Variants in MDH1B observed in about 807,000 individuals in gnomAD.
MDH1B encodes malate dehydrogenase 1B, also known as putative malate dehydrogenase 1B.
In MDH1B, 60 loss-of-function variants were observed where a neutral mutation model predicts 61.4. The observed-to-expected ratio is 0.98, with a 90% confidence interval of 0.79 to 1.21. The LOEUF is 1.21. Ranked by LOEUF, MDH1B falls within the 50% of genes most tolerant of loss-of-function variation. MDH1B has a pLI of 0.00. For synonymous variants in MDH1B, 236 were observed against 218.7 expected (o/e 1.08, Z -0.70); for missense variants, 587 against 632.1 (o/e 0.93, Z 0.76).
chr2:206,745,926 G>C (rs866786002), intron 8 of MDH1B, among the ~76,000 whole-genome samples: 7 of 151,854 alleles, frequency 4.6e-5, no homozygotes, highest in Middle Eastern at 6.8e-3. Context: ...TAGAGACAGG[G>C]TTTCTCCATG....
At chr2:206,738,611 G>T in intron 11 of MDH1B, 100 bp from the exon 12 acceptor site, 1 of 779,048 alleles carries the variant, frequency 1.3e-6, no homozygotes, top group Non-Finnish European at 2.1e-6. Context: ...CTGTATTCAT[G>T]ATTCAATAGC....
rs987807606 is a variant in MDH1B at position 206,751,173 on chromosome 2, G to T, written c.911-98C>A. 3.2e-5 allele frequency: 27 copies of T among 837,174 alleles called. No homozygotes were observed. The African/African-American group carries it at 4.2e-4, about 13-fold the overall frequency. 51.9% of individuals were successfully genotyped at this position (837,174 alleles called of 1,614,324 possible). On this transcript the variant is annotated intron_variant, in intron 5 of 11. Coordinates refer to ENST00000374412, the MANE Select transcript of MDH1B (RefSeq NM_001039845.3). ...TTTGTTTGCGTGCATGTTTGTTTTAGGATTGGTCTTTTTGGTATAAAATGA... is the reference window on the plus strand; with the variant it reads ...TTTGTTTGCGTGCATGTTTGTTTTATGATTGGTCTTTTTGGTATAAAATGA...
chr2:206,756,521 C>A, intron 4 of MDH1B: 1 of 180,666 alleles, frequency 5.5e-6, no homozygotes, highest in Non-Finnish European at 1.2e-5. Flanking sequence ...GGGAGCAAGG[C>A]GAGGGGAGTG....
At chr2:206,758,399 T>C (rs752175117) in intron 2 of MDH1B, among the ~76,000 whole-genome samples, 27 of 152,124 alleles carry the variant, frequency 1.8e-4, no homozygotes, top group Non-Finnish European at 3.5e-4. Context: ...GACTGGCTCT[T>C]AGAAACTTGG....
chr2:206,762,555 CATTAT>C (rs140297059), intron 1 of MDH1B, among the ~76,000 whole-genome samples: 5,550 of 152,264 alleles, frequency 0.036, 116 homozygotes, highest in Non-Finnish European at 0.057. Flanking sequence ...ATACTCATTA[CATTAT>C]GTTTCTCCTG....
chr2:206,756,709 G>T (rs1235533653), intron 4 of MDH1B, 189 bp downstream of exon 4: 8 of 607,464 alleles, frequency 1.3e-5, no homozygotes, highest in Non-Finnish European at 2.3e-5. Context: ...TCATTTATGA[G>T]TTATATGGAG....
chr2:206,761,104 CAT>C, intron 1 of MDH1B, 91 bp from the exon 2 acceptor site: 1 of 666,186 alleles, frequency 1.5e-6, no homozygotes, highest in East Asian at 2.6e-5. Context: ...CAGAATTAGT[CAT>C]AGTTATGATA....
At chr2:206,751,545 A>T (rs1688445118) in intron 5 of MDH1B, among the ~76,000 whole-genome samples, 1 of 152,176 alleles carries the variant, frequency 6.6e-6, no homozygotes, top group Non-Finnish European at 1.5e-5. Flanking sequence ...GATGGGTTTC[A>T]TCTCTGGCAA....
intron 10 of MDH1B, 117 bp from the exon 11 acceptor site, chr2:206,739,778 T>C: frequency 1.2e-6 from 1 of 853,644 alleles, no homozygotes; most frequent in South Asian, 1.5e-5. Context: ...AATGCATTGC[T>C]CTCCTAGGAG....
At chr2:206,739,153 C>T (rs551790299) in intron 11 of MDH1B, among the ~76,000 whole-genome samples, 18 of 152,202 alleles carry the variant, frequency 1.2e-4, no homozygotes, top group African/African-American at 4.3e-4. Context: ...CGGTGGCTCA[C>T]GCCTGTAATT....
At chr2:206,743,979 T>C (rs1446866957) in intron 9 of MDH1B, among the ~76,000 whole-genome samples, 1 of 152,174 alleles carries the variant, frequency 6.6e-6, no homozygotes, top group African/African-American at 2.4e-5. Flanking sequence ...CCTTGCCTTA[T>C]TCCAGGATGT....
chr2:206,761,091 T>C (rs1041608879), intron 1 of MDH1B, 78 bp from the exon 2 acceptor site: 12 of 749,302 alleles, frequency 1.6e-5, no homozygotes, highest in Admixed American at 1.6e-4. Flanking sequence ...TGCTATGTAA[T>C]TACAGAATTA....
chr2:206,756,747 A>G, intron 4 of MDH1B, 151 bp downstream of exon 4: 2 of 689,444 alleles, frequency 2.9e-6, no homozygotes, highest in South Asian at 1.9e-5. Flanking sequence ...ACAGAGATGC[A>G]TATGTATATG....
At chr2:206,752,111 T>C (rs137928893) in intron 5 of MDH1B, among the ~76,000 whole-genome samples, 102 of 152,302 alleles carry the variant, frequency 6.7e-4, no homozygotes, top group African/African-American at 2.4e-3. Context: ...GATCATAAAA[T>C]GGCTGCAGCA....
intron 4 of MDH1B, chr2:206,756,661 G>T: frequency 1.3e-5 from 6 of 471,270 alleles, no homozygotes; most frequent in East Asian, 3.8e-5. Flanking sequence ...GTTGTTTTTA[G>T]ACCAAGTGAC....
chr2:206,739,529 C>T (rs1375851762), intron 11 of MDH1B, 64 bp downstream of exon 11: 2 of 1,412,602 alleles, frequency 1.4e-6, no homozygotes, highest in African/African-American at 1.4e-5. Flanking sequence ...AAATTTGATC[C>T]TCTATTACCC....
At chr2:206,742,711 ATTTT>A (rs59584383) in intron 9 of MDH1B, among the ~76,000 whole-genome samples, 1,945 of 97,194 alleles carry the variant, frequency 0.02, 28 homozygotes, top group African/African-American at 0.077. Flanking sequence ...TGATGTCTCT[ATTTT>A]TTTTTTTTTT....
chr2:206,751,202 T>G (rs1320908452), intron 5 of MDH1B, 127 bp from the exon 6 acceptor site: 1 of 636,716 alleles, frequency 1.6e-6, no homozygotes, highest in African/African-American at 1.8e-5. Flanking sequence ...AAAATGAATC[T>G]AGGTTTATGA....
Position 206,738,333 on chromosome 2 carries a change from T to C in MDH1B, c.*150A>G. On this transcript the variant is annotated 3_prime_UTR_variant, in exon 12 of 12. Transcript: ENST00000374412. ...AATGACGGAACTCTGACCTCTGTGCTGTCACAGTGATTTAATTGCCTTGCA... is the reference window on the plus strand; with the variant it reads ...AATGACGGAACTCTGACCTCTGTGCCGTCACAGTGATTTAATTGCCTTGCA... 1 of 498,540 alleles carries C rather than the reference T, an allele frequency of 2.0e-6. No homozygotes were observed. The highest frequency in any genetic ancestry group is 3.3e-5 in the East Asian group (1 of 30,370). The allele number at this position is 498,540 out of a possible 1,614,324, so 30.9% of individuals were successfully genotyped here.
Sources: allele counts gnomAD v4.1 joint callset (sites outside exome capture counted in the v4.1 genomes callset), GRCh38; gene constraint gnomAD v4.1.1; transcripts MANE v1.5; gene names NCBI Gene and HGNC (gene_info 2026-07-23, HGNC 2026-07-21).